Variants in KAZN observed in about 807,000 individuals in gnomAD.
KAZN encodes the protein kazrin.
In KAZN, 40 loss-of-function variants were observed where a neutral mutation model predicts 87.4. The observed-to-expected ratio is 0.46, with a 90% confidence interval of 0.36 to 0.60. KAZN has a LOEUF of 0.60. Among genes scored for constraint, KAZN ranks in the 20% least tolerant of loss-of-function variants. The pLI, the probability that KAZN is intolerant of heterozygous loss-of-function variation, is 0.00. For synonymous variants in KAZN, 466 were observed against 458.3 expected, an observed-to-expected ratio of 1.02 and a Z score of -0.22; for missense variants, 898 against 1,073.9, an observed-to-expected ratio of 0.84 and a Z score of 2.29.
intron 1 of KAZN, among the ~76,000 whole-genome samples, chr1:14,053,249 C>T (rs1340501044): frequency 1.3e-5 from 2 of 152,222 alleles, no homozygotes; most frequent in African/African-American, 4.8e-5. Context: ...TGTAGTTCTA[C>T]TACCATGAGA....
chr1:14,686,208 C>T (rs1426733117), intron 1 of KAZN, among the ~76,000 whole-genome samples: 1 of 152,154 alleles, frequency 6.6e-6, no homozygotes, highest in Non-Finnish European at 1.5e-5. Flanking sequence ...AGCTGGACTA[C>T]AGACGTGTAC....
At chr1:14,094,339 C>T (rs952546482) in intron 1 of KAZN, among the ~76,000 whole-genome samples, 2 of 152,150 alleles carry the variant, frequency 1.3e-5, no homozygotes, top group Non-Finnish European at 2.9e-5. Flanking sequence ...TAAATATTCA[C>T]CCAAGCAATT....
intron 1 of KAZN, among the ~76,000 whole-genome samples, chr1:14,741,084 G>A (rs79089987): frequency 0.025 from 3,741 of 152,308 alleles, 58 homozygotes; most frequent in Middle Eastern, 0.051. Flanking sequence ...CTACCATGGA[G>A]GTCCTGTGTG....
intron 1 of KAZN, among the ~76,000 whole-genome samples, chr1:14,010,019 A>G (rs913999888): frequency 1.3e-5 from 2 of 152,216 alleles, no homozygotes; most frequent in African/African-American, 4.8e-5. Flanking sequence ...ATTGTAGACA[A>G]TCTATAGGCA....
chr1:14,580,308 T>A (rs1378981810), intron 2 of KAZN, among the ~76,000 whole-genome samples: 2 of 152,090 alleles, frequency 1.3e-5, no homozygotes, highest in Non-Finnish European at 2.9e-5. Flanking sequence ...AAACCCCATC[T>A]CTACTAAAAA....
At chr1:14,372,209 C>A (rs1660545998) in intron 2 of KAZN, among the ~76,000 whole-genome samples, 2 of 152,148 alleles carry the variant, frequency 1.3e-5, no homozygotes, top group South Asian at 4.1e-4. Context: ...TTCAGCCAAT[C>A]CCTAAGATTA....
intron 2 of KAZN, among the ~76,000 whole-genome samples, chr1:14,243,470 G>A (rs547155916): frequency 2.6e-5 from 4 of 152,262 alleles, no homozygotes; most frequent in African/African-American, 9.6e-5. Flanking sequence ...TAAACGTGGC[G>A]ATGGTCGGTT....
At chr1:15,013,825 T>C (rs1337321286) in intron 2 of KAZN, among the ~76,000 whole-genome samples, 1 of 151,010 alleles carries the variant, frequency 6.6e-6, no homozygotes, top group East Asian at 1.9e-4. Flanking sequence ...ACTGAGGAGC[T>C]GAAGGAGGCA....
At chr1:14,030,821 T>C (rs894010417) in intron 1 of KAZN, among the ~76,000 whole-genome samples, 4 of 152,158 alleles carry the variant, frequency 2.6e-5, no homozygotes, top group Non-Finnish European at 4.4e-5. Context: ...AAAATGACTT[T>C]GCAGGTTTTA....
At chr1:14,663,245 G>A (rs150521594) in intron 1 of KAZN, among the ~76,000 whole-genome samples, 120 of 152,118 alleles carry the variant, frequency 7.9e-4, no homozygotes, top group Middle Eastern at 3.4e-3. Context: ...CCAAAGTGCC[G>A]GGATTACAGG....
intron 1 of KAZN, among the ~76,000 whole-genome samples, chr1:14,835,809 A>AC (rs1410529661): frequency 1.1e-5 from 1 of 94,638 alleles, no homozygotes; most frequent in Admixed American, 1.1e-4. Flanking sequence ...AACACCTCCC[A>AC]CCCCCGCCCC....
intron 1 of KAZN, among the ~76,000 whole-genome samples, chr1:13,977,692 A>G (rs1041650382): frequency 6.6e-6 from 1 of 152,200 alleles, no homozygotes; most frequent in African/African-American, 2.4e-5. Flanking sequence ...ACTTATAACA[A>G]TGTTGCTAAC....
chr1:14,415,716 A>T, intron 2 of KAZN, among the ~76,000 whole-genome samples: 1 of 152,166 alleles, frequency 6.6e-6, no homozygotes, highest in East Asian at 1.9e-4. Context: ...AACCCATGGC[A>T]GCAGGTGTAG....
chr1:14,600,847 G>A (rs956016917), intron 1 of KAZN, among the ~76,000 whole-genome samples: 5 of 152,178 alleles, frequency 3.3e-5, no homozygotes, highest in East Asian at 1.9e-4. Context: ...CTTTCTCCGC[G>A]AAGGAAAAGT....
At chr1:14,307,146 G>A (rs575945457) in intron 2 of KAZN, among the ~76,000 whole-genome samples, 1 of 152,238 alleles carries the variant, frequency 6.6e-6, no homozygotes, top group Admixed American at 6.5e-5. Context: ...ATATGCCACT[G>A]CCTCCTCGTG....
intron 2 of KAZN, among the ~76,000 whole-genome samples, chr1:14,457,727 A>G (rs1197651255): frequency 6.6e-6 from 1 of 152,162 alleles, no homozygotes; most frequent in Non-Finnish European, 1.5e-5. Context: ...CCAGCTAAGC[A>G]TGGGACAGAT....
At chr1:14,528,273 G>T (rs1425092881) in intron 2 of KAZN, among the ~76,000 whole-genome samples, 3 of 145,782 alleles carry the variant, frequency 2.1e-5, no homozygotes, top group Non-Finnish European at 1.5e-5. Flanking sequence ...GAGAGGTGGA[G>T]GTTGCAGTGA....
At chr1:14,081,494 T>C (rs1189237678) in intron 1 of KAZN, among the ~76,000 whole-genome samples, 1 of 152,062 alleles carries the variant, frequency 6.6e-6, no homozygotes, top group Non-Finnish European at 1.5e-5. Flanking sequence ...ATGGCTCGTG[T>C]GCTAGGAATG....
chr1:14,498,271 G>C (rs1292822151), intron 2 of KAZN, among the ~76,000 whole-genome samples: 1 of 152,202 alleles, frequency 6.6e-6, no homozygotes, highest in Non-Finnish European at 1.5e-5. Context: ...TGGTAGCACT[G>C]TGCCAGGTCG....
Sources: gnomAD v4.1 joint callset for allele counts (sites outside exome capture counted in the v4.1 genomes callset) on GRCh38, gnomAD v4.1.1 for gene constraint, MANE v1.5 for transcripts, NCBI Gene and HGNC (gene_info 2026-07-23, HGNC 2026-07-21) for gene names.